The following GNB2 variants were observed in gnomAD, a reference collection of about 807,000 sequenced individuals.
The protein encoded by GNB2 is guanine nucleotide-binding protein G(I)/G(S)/G(T) subunit beta-2.
In GNB2, 7 loss-of-function variants were observed where a neutral mutation model predicts 40.7. The observed-to-expected ratio is 0.17, with a 90% CI of 0.10 to 0.32. The LOEUF (loss-of-function observed/expected upper bound fraction) is 0.32. Among genes scored for constraint, GNB2 ranks in the 10% least tolerant of loss-of-function variants. The pLI is 1.00. For synonymous variants in GNB2, 254 were observed against 191.2 expected (o/e 1.33, Z -2.71); for missense variants, 286 against 473.0 (o/e 0.60, Z 3.67).
chr7:100,676,204 TCCCCCAGCCCCCGTCCCGCGG>T lies in GNB2; in HGVS notation c.-52_-32del. ...CTCGGGCCAGCGGCCAGGAGCTGCC[TCCCCCAGCCCCCGTCCCGCGG>T]CCCCCAGCCGCCCCCAACCCTGCCC... On this transcript the variant is annotated 5_prime_UTR_variant, in exon 2 of 10. Transcript: ENST00000303210. The T allele has an allele frequency of 2.0e-6, 2 of 1,002,266 alleles. No individual in the cohort carries two copies. Among genetic ancestry groups the T allele is most frequent in the African/African-American group, 1.6e-5 (1 of 61,914 alleles). The allele number at this position is 1,002,266 out of a possible 1,614,324, so 62.1% of individuals were successfully genotyped here.
chr7:100,674,676 C>T (rs1038114789), intron 1 of GNB2, among the ~76,000 whole-genome samples: 1 of 152,202 alleles, frequency 6.6e-6, no homozygotes, highest in Non-Finnish European at 1.5e-5. Flanking sequence ...GCGGTTGCAC[C>T]CTCATTTCTC....
At chr7:100,677,015 G>A (rs900274520) in intron 4 of GNB2, 8 of 595,652 alleles carry the variant, frequency 1.3e-5, no homozygotes, top group South Asian at 4.1e-5. Context: ...GGTGGCTCAC[G>A]CCTGTAATCC....
rs546317862 is a variant in GNB2, at chr7:100,674,208, G to T, written c.-90+285G>T. Among the ~76,000 whole-genome samples the T allele has an allele frequency of 4.6e-5, 7 of 152,006 alleles. No individual in the cohort carries two copies. In the East Asian group the frequency reaches 1.2e-3, roughly 25 times the overall value. ...GCCTCTTGCTCCCTCGGAAGTTGGG[G>T]GGCTAAATTCCGGGCTTCCTCTAGG... On this transcript the variant is annotated intron_variant, in intron 1 of 9. Coordinates refer to ENST00000303210, the MANE Select transcript of GNB2 (RefSeq NM_005273.4).
rs377234293 is a variant in GNB2 at position 100,677,762 on chromosome 7, G to C, written c.441G>C (p.Ser147=). ...CAGCTCCTTCCCCAGGGTACCTGTCGTGTTGCCGCTTCCTGGATGACAACC... is the reference window on the plus strand; with the variant it reads ...CAGCTCCTTCCCCAGGGTACCTGTCCTGTTGCCGCTTCCTGGATGACAACC... The part of the protein sequence containing the change: ...RELPGHTGYL[S]CCRFLDDNQI... Residue 147 remains serine, a synonymous_variant, in exon 7 of 10, where the codon TCG becomes TCC. Coordinates refer to ENST00000303210, the MANE Select transcript of GNB2 (RefSeq NM_005273.4). 3 of 1,613,688 alleles carry C rather than the reference G, an allele frequency of 1.9e-6. No individual in the cohort carries two copies. In the African/African-American group the frequency reaches 4.0e-5, roughly 22 times the overall value.
At position 100,676,811 on chromosome 7, in the gene GNB2, TGC is replaced by T; in HGVS notation, c.203+16_203+17del. ...GGGACCGACTCAAGGTGTGTGTGTG[TGC>T]GCGGGCTGGCGCTGTGGGCCGACTT... On this transcript the variant is annotated intron_variant, in intron 4 of 9. Coordinates refer to ENST00000303210, the MANE Select transcript of GNB2 (RefSeq NM_005273.4). The T allele has an allele frequency of 2.0e-6, 3 of 1,486,346 alleles. No homozygotes were observed. Among genetic ancestry groups the T allele is most frequent in the Non-Finnish European group, 1.8e-6 (2 of 1,088,228 alleles). 92.1% of individuals were successfully genotyped at this position (1,486,346 alleles called of 1,614,324 possible). A position where few individuals can be genotyped will look rare whatever the true frequency, so the allele number is the denominator to read the frequency against.
At chr7:100,677,895 C>A in intron 7 of GNB2, 77 bp downstream of exon 7, 2 of 1,288,562 alleles carry the variant, frequency 1.6e-6, no homozygotes, top group Non-Finnish European at 2.2e-6. Flanking sequence ...CAGTGCTCAA[C>A]ATGCAGCATG....
At position 100,673,850 on chromosome 7, in the gene GNB2, GCCT is replaced by G. The variant is rs1371021354; in HGVS notation, c.-160_-158del. On this transcript the variant is annotated 5_prime_UTR_variant, in exon 1 of 10. Transcript: ENST00000303210. ...CGCCGCCGCCGCCGCCGCCGCCGCC[GCCT>G]CCGCCGCGGAGGAAGACAGCGCCGC... The G allele has an allele frequency of 6.2e-5, 11 of 178,146 alleles. No homozygotes were observed. The highest frequency in any genetic ancestry group is 1.6e-4 in the East Asian group (1 of 6,396). 11.0% of individuals were successfully genotyped at this position (178,146 alleles called of 1,614,324 possible).
intron 1 of GNB2, among the ~76,000 whole-genome samples, chr7:100,675,092 C>T (rs1169818093): frequency 2.0e-5 from 3 of 151,606 alleles, no homozygotes; most frequent in Non-Finnish European, 4.4e-5. Context: ...CACAGGTGTC[C>T]CGCGGGCGGG....
At chr7:100,676,955 A>G in intron 4 of GNB2, 156 bp downstream of exon 4, 1 of 608,666 alleles carries the variant, frequency 1.6e-6, no homozygotes, top group Non-Finnish European at 2.9e-6. Context: ...CTGGACAGGC[A>G]GGACCATGCT....
At position 100,679,065 on chromosome 7, in the gene GNB2, G is replaced by A. The variant is rs1804440420; in HGVS notation, c.*264G>A. ...GGCCTCACCCCTCTGGAGGGCCGGAGGCAGGAGGTGGAAACCCCAGGGGCT... is the reference window on the plus strand; with the variant it reads ...GGCCTCACCCCTCTGGAGGGCCGGAAGCAGGAGGTGGAAACCCCAGGGGCT... On this transcript the variant is annotated 3_prime_UTR_variant, in exon 10 of 10. Transcript: ENST00000303210. 2 of 440,756 alleles carry A rather than the reference G, an allele frequency of 4.5e-6. No individual in the cohort carries two copies. Among genetic ancestry groups the A allele is most frequent in the African/African-American group, 2.0e-5 (1 of 50,356 alleles). The allele number at this position is 440,756 out of a possible 1,614,324, so 27.3% of individuals were successfully genotyped here. A position where few individuals can be genotyped will look rare whatever the true frequency, so the allele number is the denominator to read the frequency against.
chr7:100,675,207 C>T (rs953915370), intron 1 of GNB2: 4 of 150,768 alleles, frequency 2.7e-5, no homozygotes, highest in African/African-American at 9.7e-5. Context: ...GGCCAGGCCG[C>T]CTGGGGCCGC....
In GNB2 at chr7:100,678,634, C is replaced by A. The variant is rs756013914; in HGVS notation, c.916+20C>A. ...GTGCAGGTGACAGCTGGGGCCCAGG[C>A]TGGGTGGGCAGGGACCTGGAGCCCA... On this transcript the variant is annotated intron_variant, in intron 9 of 9. Coordinates refer to ENST00000303210, the MANE Select transcript of GNB2 (RefSeq NM_005273.4). 6.2e-7 allele frequency: 1 copy of A among 1,609,632 alleles called. No individual in the cohort carries two copies. The highest frequency in any genetic ancestry group is 8.5e-7 in the Non-Finnish European group (1 of 1,176,314).
At chr7:100,677,294 G>A in intron 4 of GNB2, 58 bp from the exon 5 acceptor site, 10 of 1,364,664 alleles carry the variant, frequency 7.3e-6, no homozygotes, top group Non-Finnish European at 1.0e-5. Context: ...CCAAAGGGAA[G>A]GGGGTGTGTC....
chr7:100,676,881 C>T (rs775451446), intron 4 of GNB2, 82 bp downstream of exon 4: 2 of 791,868 alleles, frequency 2.5e-6, no homozygotes, highest in Non-Finnish European at 4.1e-6. Flanking sequence ...GCGGAGTAAG[C>T]AGGCCACCAA....
At position 100,673,815 on chromosome 7, in the gene GNB2, GCGCCGCCGCCGCCGC is replaced by G. The variant is rs374292503; in HGVS notation, c.-175_-161del. 225 of 178,338 alleles carry G rather than the reference GCGCCGCCGCCGCCGC, an allele frequency of 1.3e-3. 1 individual carries two copies. Among genetic ancestry groups the G allele is most frequent in the African/African-American group, 4.3e-3 (170 of 39,900 alleles). 11.0% of individuals were successfully genotyped at this position (178,338 alleles called of 1,614,324 possible). The stretch of plus-strand genomic sequence containing the variant: ...CTGGGGCCACTGAGGAAATCCATCC[GCGCCGCCGCCGCCGC>G]CGCCGCCGCCGCCGCCGCCGCCTCC... On this transcript the variant is annotated 5_prime_UTR_variant, in exon 1 of 10. Transcript: ENST00000303210.
chr7:100,677,698 T>TG (rs758633651), intron 6 of GNB2, 38 bp downstream of exon 6: 23 of 1,612,728 alleles, frequency 1.4e-5, no homozygotes, highest in South Asian at 1.2e-4. Context: ...TTTTTGGGGT[T>TG]GGGGGGTGCA....
chr7:100,678,063 C>T (rs374626655), intron 7 of GNB2, 35 bp from the exon 8 acceptor site: 5 of 1,536,290 alleles, frequency 3.3e-6, no homozygotes, highest in Middle Eastern at 3.4e-4. Flanking sequence ...TTCGCCCTGT[C>T]TCTTATCTTT....
rs760186147 is a variant in GNB2, at chr7:100,678,686, T to G, written c.917-9T>G. The G allele has an allele frequency of 6.2e-7, 1 of 1,611,520 alleles. No homozygotes were observed. Among genetic ancestry groups the G allele is most frequent in the South Asian group, 1.1e-5 (1 of 91,042 alleles). ...GCCCAATGGGTTCTGACTTCTCTCT[T>G]CTTCACAGGAGTCCTCGCTGGCCAC... is the stretch of plus-strand genomic sequence containing the variant. On this transcript the variant is annotated splice_polypyrimidine_tract_variant and intron_variant, in intron 9 of 9. Transcript: ENST00000303210.
Position 100,677,341 on chromosome 7 carries a change from T to C in GNB2, c.204-11T>C, listed in dbSNP as rs199685051. On this transcript the variant is annotated splice_polypyrimidine_tract_variant and intron_variant, in intron 4 of 9. Transcript: ENST00000303210. ...CCACCCTTCTGCTCTCCCTACACCGTTCCCCACCAGGCTGCTGGTCAGCGC... is the reference window on the plus strand; with the variant it reads ...CCACCCTTCTGCTCTCCCTACACCGCTCCCCACCAGGCTGCTGGTCAGCGC... The C allele has an allele frequency of 2.2e-4, 357 of 1,612,000 alleles. No homozygotes were observed. Among genetic ancestry groups the C allele is most frequent in the Non-Finnish European group, 2.7e-4 (321 of 1,178,164 alleles).
Sources: gnomAD v4.1 joint callset for allele counts (sites outside exome capture counted in the v4.1 genomes callset) on GRCh38, gnomAD v4.1.1 for gene constraint, MANE v1.5 for transcripts, NCBI Gene and HGNC (gene_info 2026-07-23, HGNC 2026-07-21) for gene names.